LYRM4: variants seen among roughly 807,000 people sequenced by gnomAD.
The protein encoded by LYRM4 is LYR motif containing 4.
LYRM4 carries 9 observed loss-of-function variants against 11.7 expected under a neutral mutation model. The observed-to-expected ratio is 0.77, with a 90% CI of 0.46 to 1.34. LYRM4 has a LOEUF of 1.34. Among genes scored for constraint, LYRM4 ranks in the 40% most tolerant of loss-of-function variants. The probability of loss-of-function intolerance (pLI) is 0.00; values close to 1 mark genes in which losing one functional copy is unlikely to be tolerated. For synonymous variants in LYRM4, 42 were observed against 40.4 expected (o/e 1.04, Z -0.15); for missense variants, 133 against 112.5 (o/e 1.18, Z -0.82).
chr6:5,136,206 A>T, intron 2 of LYRM4: 1 of 853,342 alleles, frequency 1.2e-6, no homozygotes, highest in Non-Finnish European at 1.4e-6. Context: ...CTGGTGGGCA[A>T]GTATCCTTTT....
In LYRM4 at chr6:5,216,417, C is replaced by T. The variant is rs71555886; in HGVS notation, c.207+201G>A. 0.049 allele frequency among the ~76,000 whole-genome samples: 7,473 copies of T among 152,136 alleles called. 600 individuals carry two copies. The highest frequency in any genetic ancestry group is 0.16 in the African/African-American group (6,667 of 41,480). On this transcript the variant is annotated intron_variant, in intron 2 of 2. Coordinates refer to ENST00000330636, the MANE Select transcript of LYRM4 (RefSeq NM_020408.6). ...AGAAGGATACACTCCCTGGAAATTCCGGAAAGCTGGTATTTTAAGTTCAAC... is the reference window on the plus strand; with the variant it reads ...AGAAGGATACACTCCCTGGAAATTCTGGAAAGCTGGTATTTTAAGTTCAAC...
chr6:5,155,788 T>C (rs1362638405), intron 2 of LYRM4, among the ~76,000 whole-genome samples: 2 of 152,216 alleles, frequency 1.3e-5, no homozygotes, highest in Admixed American at 6.5e-5. Flanking sequence ...TAGGAAAGTT[T>C]AAGGCATTAA....
downstream of LYRM4, among the ~76,000 whole-genome samples, chr6:5,098,890 G>C (rs1183817938): frequency 6.6e-6 from 1 of 152,182 alleles, no homozygotes; most frequent in African/African-American, 2.4e-5. Context: ...CTAACTCTCA[G>C]ATGGGGAGTG....
At chr6:5,166,581 C>T (rs1282274276) in intron 2 of LYRM4, among the ~76,000 whole-genome samples, 2 of 152,212 alleles carry the variant, frequency 1.3e-5, no homozygotes, top group African/African-American at 4.8e-5. Flanking sequence ...GAGAAAAAAC[C>T]GAGTCATTTT....
At chr6:5,160,774 C>T (rs1275444315) in intron 2 of LYRM4, among the ~76,000 whole-genome samples, 2 of 152,102 alleles carry the variant, frequency 1.3e-5, no homozygotes, top group Non-Finnish European at 2.9e-5. Context: ...TGGAAAGGCA[C>T]CTGCTCAGTG....
the LYRM4 span, among the ~76,000 whole-genome samples, chr6:5,082,897 C>G: frequency 7.1e-6 from 1 of 140,788 alleles, no homozygotes; most frequent in Non-Finnish European, 1.6e-5. Context: ...TGGCCCAGCA[C>G]GTTCTTCCTT....
chr6:5,167,700 T>A (rs1759170119), intron 2 of LYRM4, among the ~76,000 whole-genome samples: 1 of 152,216 alleles, frequency 6.6e-6, no homozygotes, highest in African/African-American at 2.4e-5. Flanking sequence ...TGTTTCTTAA[T>A]GGTGTACTCT....
intron 1 of LYRM4, 37 bp downstream of exon 1, chr6:5,260,611 G>GGGCC: frequency 2.2e-6 from 3 of 1,377,672 alleles, no homozygotes; most frequent in Non-Finnish European, 2.9e-6. Context: ...CCGGCCCCTG[G>GGGCC]CCCCCCGCCC....
chr6:5,139,760 T>C (rs1414564055), intron 2 of LYRM4, among the ~76,000 whole-genome samples: 1 of 152,094 alleles, frequency 6.6e-6, no homozygotes, highest in Non-Finnish European at 1.5e-5. Flanking sequence ...CCATTTTCCG[T>C]ACATCACTTT....
the LYRM4 span, among the ~76,000 whole-genome samples, chr6:5,093,615 T>C: frequency 6.6e-6 from 1 of 152,256 alleles, no homozygotes; most frequent in Non-Finnish European, 1.5e-5. Context: ...AAAAAACTTT[T>C]TAAAAGGAGT....
chr6:5,218,729 C>T (rs1017280125), intron 1 of LYRM4, among the ~76,000 whole-genome samples: 12 of 152,178 alleles, frequency 7.9e-5, no homozygotes, highest in African/African-American at 2.9e-4. Context: ...AACTGGGGCT[C>T]ATTCACTTCT....
chr6:5,231,707 C>T (rs1763252872), intron 1 of LYRM4, among the ~76,000 whole-genome samples: 2 of 152,072 alleles, frequency 1.3e-5, no homozygotes, highest in African/African-American at 4.8e-5. Context: ...GCTGGGATGC[C>T]GTAAACAACA....
chr6:5,155,908 A>G (rs1246516564), intron 2 of LYRM4, among the ~76,000 whole-genome samples: 2 of 152,234 alleles, frequency 1.3e-5, no homozygotes, highest in African/African-American at 4.8e-5. Context: ...GTTGTCTCCT[A>G]TGGCTAAGGA....
At chr6:5,041,550 G>A in the LYRM4 span, among the ~76,000 whole-genome samples, 41 of 152,294 alleles carry the variant, frequency 2.7e-4, no homozygotes, top group African/African-American at 4.6e-4. Context: ...AGTGTAATAC[G>A]TAAAATTAAT....
At chr6:5,076,246 A>AT in the LYRM4 span, among the ~76,000 whole-genome samples, 407 of 145,828 alleles carry the variant, frequency 2.8e-3, 2 homozygotes, top group South Asian at 0.016. Context: ...GCGCCCAGCT[A>AT]TTTTTTTTTT....
chr6:5,057,978 C>G, the LYRM4 span, among the ~76,000 whole-genome samples: 1 of 152,070 alleles, frequency 6.6e-6, no homozygotes, highest in Non-Finnish European at 1.5e-5. Flanking sequence ...TCTCGAAATT[C>G]CAGACTCAAA....
chr6:5,077,293 G>A, the LYRM4 span, among the ~76,000 whole-genome samples: 1 of 152,334 alleles, frequency 6.6e-6, no homozygotes, highest in African/African-American at 2.4e-5. Flanking sequence ...ACTGTCACAC[G>A]CGGTCATTTC....
At chr6:5,245,693 T>G (rs955368147) in intron 1 of LYRM4, among the ~76,000 whole-genome samples, 1 of 152,178 alleles carries the variant, frequency 6.6e-6, no homozygotes, top group Non-Finnish European at 1.5e-5. Context: ...CAGAGAACCA[T>G]GATTCAGATC....
chr6:5,236,462 C>T (rs1404592898), intron 1 of LYRM4: 1 of 148,550 alleles, frequency 6.7e-6, no homozygotes, highest in Non-Finnish European at 1.5e-5. Flanking sequence ...GAGACTCCAT[C>T]TAAAAAAAAA....
Sources: allele counts gnomAD v4.1 joint callset (sites outside exome capture counted in the v4.1 genomes callset), GRCh38; gene constraint gnomAD v4.1.1; transcripts MANE v1.5; gene names NCBI Gene and HGNC (gene_info 2026-07-23, HGNC 2026-07-21).